The following KLHL7 variants were observed in gnomAD, a reference collection of about 807,000 sequenced individuals.
KLHL7 encodes kelch like family member 7.
In KLHL7, 44 loss-of-function variants were observed where a neutral mutation model predicts 67.4. The ratio of observed to expected loss-of-function variants is 0.65; its 90% CI spans 0.51 to 0.84. KLHL7 has a LOEUF of 0.84. Among genes scored for constraint, KLHL7 ranks in the 40% least tolerant of loss-of-function variants. The probability of loss-of-function intolerance (pLI) is 0.00; values close to 1 mark genes in which losing one functional copy is unlikely to be tolerated. For synonymous variants in KLHL7, 252 were observed against 243.3 expected, an observed-to-expected ratio of 1.04 and a Z score of -0.33; for missense variants, 362 against 718.1, an observed-to-expected ratio of 0.50 and a Z score of 5.67.
intron 1 of KLHL7, chr7:23,117,753 T>C: frequency 1.6e-6 from 2 of 1,284,144 alleles, no homozygotes; most frequent in Non-Finnish European, 2.1e-6. Context: ...ATTATTGCTT[T>C]ATTGAAGCTT....
intron 1 of KLHL7, among the ~76,000 whole-genome samples, chr7:23,120,754 C>G (rs574610609): frequency 6.6e-6 from 1 of 152,172 alleles, no homozygotes; most frequent in South Asian, 2.1e-4. Flanking sequence ...TTAGTAGAGT[C>G]AGGGTCTCAC....
At chr7:23,140,585 A>AC in intron 4 of KLHL7, 184 bp from the exon 5 acceptor site, 1 of 682,888 alleles carries the variant, frequency 1.5e-6, no homozygotes, top group South Asian at 1.6e-5. Flanking sequence ...AAACAAAAAA[A>AC]AAACCAGTCT....
At chr7:23,117,083 T>C (rs1328726824) in intron 1 of KLHL7, among the ~76,000 whole-genome samples, 7 of 114,226 alleles carry the variant, frequency 6.1e-5, no homozygotes, top group Admixed American at 2.4e-4. Flanking sequence ...AGCCAGGCCT[T>C]TTTTTTTTTT....
intron 4 of KLHL7, among the ~76,000 whole-genome samples, chr7:23,139,423 G>T (rs1784102548): frequency 1.3e-5 from 2 of 152,154 alleles, no homozygotes; most frequent in Non-Finnish European, 1.5e-5. Context: ...GATTTCAGTA[G>T]CCATTTCTGA....
chr7:23,163,192 C>T (rs759298616), intron 7 of KLHL7, among the ~76,000 whole-genome samples: 6 of 151,812 alleles, frequency 4.0e-5, no homozygotes, highest in Non-Finnish European at 5.9e-5. Flanking sequence ...CGTTTGGAGA[C>T]GGAGTTTCGC....
intron 9 of KLHL7, 142 bp downstream of exon 9, chr7:23,168,179 C>T (rs1785057587): frequency 2.7e-6 from 2 of 747,886 alleles, no homozygotes; most frequent in African/African-American, 3.5e-5. Context: ...GTGCTAGGGT[C>T]AGTGGCATAT....
At chr7:23,126,711 A>C (rs1296510694) in intron 4 of KLHL7, among the ~76,000 whole-genome samples, 2 of 152,164 alleles carry the variant, frequency 1.3e-5, no homozygotes, top group African/African-American at 4.8e-5. Context: ...AGAGAGAGAG[A>C]TCTTGGAAGG....
At chr7:23,128,752 T>A (rs899394762) in intron 4 of KLHL7, among the ~76,000 whole-genome samples, 4 of 152,112 alleles carry the variant, frequency 2.6e-5, no homozygotes, top group African/African-American at 9.7e-5. Context: ...CTCCCCATTC[T>A]TCCTCTGGCA....
At chr7:23,139,599 G>C (rs959102796) in intron 4 of KLHL7, among the ~76,000 whole-genome samples, 4 of 152,252 alleles carry the variant, frequency 2.6e-5, no homozygotes. Flanking sequence ...AATCTAAGTT[G>C]GTTAACAAGC....
chr7:23,174,365 T>C lies in KLHL7; in HGVS notation c.*67T>C, dbSNP rs758530875. ...AGCCACCAGTGCTTTGTTCCAGGAG[T>C]TTGGTGACAAAGTTTTGGTTTGGTG... On this transcript the variant is annotated 3_prime_UTR_variant, in exon 11 of 11. Coordinates refer to ENST00000339077, the MANE Select transcript of KLHL7 (RefSeq NM_001031710.3). 1 of 1,565,138 alleles carries C rather than the reference T, an allele frequency of 6.4e-7. No homozygotes were observed. Among genetic ancestry groups the C allele is most frequent in the Non-Finnish European group, 8.8e-7 (1 of 1,137,328 alleles).
rs527276218 is a variant in KLHL7 at position 23,167,900 on chromosome 7, C to A, written c.1242C>A (p.Pro414=). ...DTRTESWHTK[P]SMLTQRCSHG... ...GAACTGAAAGCTGGCACACAAAGCC[C>A]AGCATGCTGACCCAGCGCTGCAGCC... Residue 414 remains proline (P), a synonymous_variant, in exon 9 of 11, where the codon CCC becomes CCA. Transcript: ENST00000339077. 6.2e-7 allele frequency: 1 copy of A among 1,614,246 alleles called. No individual in the cohort carries two copies. The highest frequency in any genetic ancestry group is 1.7e-5 in the Admixed American group (1 of 60,028).
At chr7:23,173,881 AT>A in intron 10 of KLHL7, 133 bp from the exon 11 acceptor site, 1 of 874,728 alleles carries the variant, frequency 1.1e-6, no homozygotes, top group South Asian at 1.6e-5. Context: ...TCACTGTAAA[AT>A]TATTACAGTT....
At chr7:23,120,398 T>G (rs1158802276) in intron 1 of KLHL7, among the ~76,000 whole-genome samples, 2 of 152,186 alleles carry the variant, frequency 1.3e-5, no homozygotes, top group African/African-American at 4.8e-5. Flanking sequence ...CTTAAAAATT[T>G]TTTTTTGTTT....
At chr7:23,121,904 A>T (rs527941669) in intron 1 of KLHL7, among the ~76,000 whole-genome samples, 3 of 151,902 alleles carry the variant, frequency 2.0e-5, no homozygotes, top group South Asian at 2.1e-4. Context: ...GGATGGTCTC[A>T]ATCTGCTGAC....
intron 7 of KLHL7, among the ~76,000 whole-genome samples, chr7:23,164,390 T>G (rs1000089289): frequency 6.6e-6 from 1 of 152,188 alleles, no homozygotes; most frequent in African/African-American, 2.4e-5. Flanking sequence ...AATGATTTAG[T>G]TTATCTTTGA....
intron 4 of KLHL7, 84 bp from the exon 5 acceptor site, chr7:23,140,685 T>C (rs746323723): frequency 4.0e-5 from 45 of 1,116,934 alleles, no homozygotes; most frequent in Non-Finnish European, 6.0e-5. Context: ...CAACTAATTT[T>C]CCTGAAGTCA....
Position 23,174,326 on chromosome 7 carries a change from A to C in KLHL7, c.*28A>C. 6 of 1,609,062 alleles carry C rather than the reference A, an allele frequency of 3.7e-6. No individual in the cohort carries two copies. The highest frequency in any genetic ancestry group is 5.1e-6 in the Non-Finnish European group (6 of 1,178,020). Reference sequence around the variant, plus strand: ...AATGAGTGGACTTCAGACTCATCAGAGACTCTAAAATATAGCCACCAGTGC... The same window carrying C: ...AATGAGTGGACTTCAGACTCATCAGCGACTCTAAAATATAGCCACCAGTGC... On this transcript the variant is annotated 3_prime_UTR_variant, in exon 11 of 11. Coordinates refer to ENST00000339077, the MANE Select transcript of KLHL7 (RefSeq NM_001031710.3).
chr7:23,107,950 A>C (rs1385037148), intron 1 of KLHL7, among the ~76,000 whole-genome samples: 4 of 152,222 alleles, frequency 2.6e-5, no homozygotes, highest in Non-Finnish European at 5.9e-5. Context: ...GAAACAATTG[A>C]CCGAGAATGA....
chr7:23,174,113 G>A lies in KLHL7; in HGVS notation c.1576G>A (p.Val526Ile), dbSNP rs1188848296. 6.2e-7 allele frequency: 1 copy of A among 1,614,204 alleles called. No homozygotes were observed. Among genetic ancestry groups the A allele is most frequent in the Non-Finnish European group, 8.5e-7 (1 of 1,180,020 alleles). The part of the protein sequence containing the change: ...WKGVTVKCAA[V>I]GSIVYVLAGF... ...GGGTGTAACAGTGAAATGTGCAGCA[G>A]TTGGCTCTATAGTTTATGTCTTGGC... The change falls in exon 11 of 11, where the codon GTT (valine) becomes ATT (isoleucine). Residue 526 changes from valine to isoleucine, a missense_variant. This residue lies in a region of KLHL7 where 136 missense variants were observed against 252.7 expected (regional missense o/e 0.54). Coordinates refer to ENST00000339077, the MANE Select transcript of KLHL7 (RefSeq NM_001031710.3).
Sources: allele counts gnomAD v4.1 joint callset (sites outside exome capture counted in the v4.1 genomes callset), GRCh38; gene constraint gnomAD v4.1.1; regional missense constraint gnomAD v4.1.1; transcripts MANE v1.5; gene names NCBI Gene and HGNC (gene_info 2026-07-23, HGNC 2026-07-21).